Variants in ZCCHC7 observed in about 807,000 individuals in gnomAD.
ZCCHC7 encodes zinc finger CCHC-type containing 7, also known as zinc finger CCHC domain-containing protein 7.
ZCCHC7 carries 35 observed loss-of-function variants against 52.0 expected under a neutral mutation model. That is an observed-to-expected ratio of 0.67 (90% CI 0.51 to 0.89). The LOEUF is 0.89. ZCCHC7 is among the 40% of genes least tolerant of loss of function. The probability of loss-of-function intolerance (pLI) is 0.00; values close to 1 mark genes in which losing one functional copy is unlikely to be tolerated. For missense variants in ZCCHC7, 574 were observed against 649.1 expected, an observed-to-expected ratio of 0.88 and a Z score of 1.26; for synonymous variants, 217 against 221.5, an observed-to-expected ratio of 0.98 and a Z score of 0.18.
chr9:37,169,882 A>G (rs967713402), intron 2 of ZCCHC7, among the ~76,000 whole-genome samples: 2 of 152,088 alleles, frequency 1.3e-5, no homozygotes, highest in Non-Finnish European at 2.9e-5. Flanking sequence ...CCTGGGTAAC[A>G]TGGCGAAACC....
At chr9:37,279,525 TA>T (rs1413029559) in intron 2 of ZCCHC7, among the ~76,000 whole-genome samples, 1 of 151,770 alleles carries the variant, frequency 6.6e-6, no homozygotes, top group Non-Finnish European at 1.5e-5. Context: ...GACAGAGTAA[TA>T]AAAAGCAGTA....
chr9:37,250,207 G>A (rs1826261368), intron 2 of ZCCHC7, among the ~76,000 whole-genome samples: 1 of 151,956 alleles, frequency 6.6e-6, no homozygotes, highest in South Asian at 2.1e-4. Flanking sequence ...TCTCTCCTGG[G>A]ATGATCACCT....
intron 6 of ZCCHC7, among the ~76,000 whole-genome samples, chr9:37,336,220 T>C (rs1430794731): frequency 6.6e-6 from 1 of 152,286 alleles, no homozygotes; most frequent in Non-Finnish European, 1.5e-5. Flanking sequence ...GGGTCAGTTC[T>C]GCAGACTTCC....
intron 2 of ZCCHC7, among the ~76,000 whole-genome samples, chr9:37,185,605 T>C (rs893057154): frequency 1.3e-5 from 2 of 152,160 alleles, no homozygotes; most frequent in Non-Finnish European, 2.9e-5. Flanking sequence ...CTGTGCCTCT[T>C]TTCTGGTGTC....
chr9:37,207,609 G>T (rs1360466179), intron 2 of ZCCHC7, among the ~76,000 whole-genome samples: 1 of 144,460 alleles, frequency 6.9e-6, no homozygotes, highest in Non-Finnish European at 1.5e-5. Flanking sequence ...ATCCGTTGCT[G>T]TGTCCTACAG....
chr9:37,213,256 T>C (rs543531711), intron 2 of ZCCHC7, among the ~76,000 whole-genome samples: 1 of 152,294 alleles, frequency 6.6e-6, no homozygotes, highest in South Asian at 2.1e-4. Context: ...GAAGATAATG[T>C]AATTACTGCT....
At chr9:37,192,410 C>T (rs536524264) in intron 2 of ZCCHC7, among the ~76,000 whole-genome samples, 2 of 152,286 alleles carry the variant, frequency 1.3e-5, no homozygotes, top group South Asian at 2.1e-4. Flanking sequence ...ATTCCCTGAC[C>T]TCTCCATATT....
chr9:37,326,556 A>T (rs1383956305), intron 5 of ZCCHC7, among the ~76,000 whole-genome samples: 1 of 151,592 alleles, frequency 6.6e-6, no homozygotes, highest in Non-Finnish European at 1.5e-5. Context: ...TGCGTAAAGG[A>T]TAAAATTTTT....
At chr9:37,328,516 C>T (rs890091109) in intron 6 of ZCCHC7, among the ~76,000 whole-genome samples, 1 of 151,822 alleles carries the variant, frequency 6.6e-6, no homozygotes, top group African/African-American at 2.4e-5. Context: ...TCACCATAGC[C>T]CTACTACTCA....
At chr9:37,326,937 C>CAA (rs1830266971) in intron 5 of ZCCHC7, 1 of 152,004 alleles carries the variant, frequency 6.6e-6, no homozygotes. Flanking sequence ...TATATAGTTA[C>CAA]AAACAACACA....
In ZCCHC7 at chr9:37,182,411, C is replaced by T. The variant is rs1382457618; in HGVS notation, c.610+55469C>T. 4.9e-5 allele frequency among the ~76,000 whole-genome samples: 7 copies of T among 143,198 alleles called. No homozygotes were observed. The East Asian group carries it at 6.2e-4, about 13-fold the overall frequency. 93.9% of individuals were successfully genotyped at this position (143,198 alleles called of 152,430 possible). ...CTGTTGCCTAGGCTGGATGTAGTTT[C>T]GCTCTGTCACCTAGGCGATCTTGGC... On this transcript the variant is annotated intron_variant, in intron 2 of 8. Transcript: ENST00000336755.
chr9:37,300,338 T>C (rs1828972572), intron 2 of ZCCHC7, among the ~76,000 whole-genome samples: 1 of 152,236 alleles, frequency 6.6e-6, no homozygotes, highest in South Asian at 2.1e-4. Flanking sequence ...GACATTGAGA[T>C]ACAAAAAGCA....
chr9:37,332,410 G>C (rs1830484619), intron 6 of ZCCHC7, among the ~76,000 whole-genome samples: 1 of 151,350 alleles, frequency 6.6e-6, no homozygotes, highest in South Asian at 2.1e-4. Context: ...TCTGATAACA[G>C]AGATGGAAAA....
chr9:37,227,802 CTCTTT>C lies in ZCCHC7; in HGVS notation c.611-74374_611-74370del, dbSNP rs961819716. On this transcript the variant is annotated intron_variant, in intron 2 of 8. Transcript: ENST00000336755. ...CTCTAATTCCTTTTTCTTTCTTTTT[CTCTTT>C]TCTTTTCTTTTTTTTGAGACAGTCT... is the stretch of plus-strand genomic sequence containing the variant. 7.2e-5 allele frequency among the ~76,000 whole-genome samples: 11 copies of C among 152,018 alleles called. No individual in the cohort carries two copies. The South Asian group carries it at 8.3e-4, about 11-fold the overall frequency.
intron 2 of ZCCHC7, among the ~76,000 whole-genome samples, chr9:37,298,589 C>T (rs542187976): frequency 2.8e-4 from 42 of 152,246 alleles, no homozygotes; most frequent in African/African-American, 1.0e-3. Flanking sequence ...ACAAATCTAT[C>T]GTGAGAGAAG....
chr9:37,242,382 T>C (rs559789824), intron 2 of ZCCHC7, among the ~76,000 whole-genome samples: 10 of 151,836 alleles, frequency 6.6e-5, no homozygotes, highest in Non-Finnish European at 1.2e-4. Context: ...TACAAATGGA[T>C]CCATGGAGTT....
At chr9:37,135,633 GTTTA>G (rs980978962) in intron 2 of ZCCHC7, among the ~76,000 whole-genome samples, 17 of 152,116 alleles carry the variant, frequency 1.1e-4, no homozygotes, top group South Asian at 1.0e-3. Flanking sequence ...AGGTAAATTT[GTTTA>G]TTTATTTATT....
intron 1 of ZCCHC7, among the ~76,000 whole-genome samples, chr9:37,123,228 TGTGC>T (rs1361445954): frequency 7.9e-6 from 1 of 126,792 alleles, no homozygotes; most frequent in Non-Finnish European, 1.9e-5. Flanking sequence ...TGTGTGTGCG[TGTGC>T]GTGTGTGTGT....
At chr9:37,196,242 G>T (rs1039929173) in intron 2 of ZCCHC7, among the ~76,000 whole-genome samples, 19 of 152,096 alleles carry the variant, frequency 1.2e-4, no homozygotes, top group Non-Finnish European at 1.9e-4. Flanking sequence ...CAATAGGCTT[G>T]CTATGTATTT....
Sources: allele counts gnomAD v4.1 joint callset (sites outside exome capture counted in the v4.1 genomes callset), GRCh38; gene constraint gnomAD v4.1.1; transcripts MANE v1.5; gene names NCBI Gene and HGNC (gene_info 2026-07-23, HGNC 2026-07-21).